The following RBFOX2 variants were observed in gnomAD, a reference collection of about 807,000 sequenced individuals.
The protein encoded by RBFOX2 is RNA binding protein fox-1 homolog 2.
Under a neutral mutation model 49.1 loss-of-function variants are expected in RBFOX2, and 10 were observed. The observed-to-expected ratio is 0.20, with a 90% confidence interval of 0.13 to 0.35. RBFOX2 has a LOEUF of 0.35. Among genes scored for constraint, RBFOX2 ranks in the 10% least tolerant of loss-of-function variants. RBFOX2 has a pLI of 1.00. For missense variants in RBFOX2, 323 were observed against 486.9 expected, an observed-to-expected ratio of 0.66 and a Z score of 3.17; for synonymous variants, 183 against 187.4, an observed-to-expected ratio of 0.98 and a Z score of 0.19.
At chr22:35,900,206 C>T (rs184569847) in intron 1 of RBFOX2, among the ~76,000 whole-genome samples, 10 of 152,190 alleles carry the variant, frequency 6.6e-5, no homozygotes, top group Non-Finnish European at 8.8e-5. Context: ...CTCCGCCTCC[C>T]GGGTTCAAGT....
rs559877251 is a variant in RBFOX2 at position 35,913,560 on chromosome 22, G to A, written c.-34+25287C>T. ...TGTGTGTATATGTATGTGTGTGTGTGTATATATATATATAGATGGATAGAG... is the reference window on the plus strand; with the variant it reads ...TGTGTGTATATGTATGTGTGTGTGTATATATATATATATAGATGGATAGAG... On this transcript the variant is annotated intron_variant, in intron 1 of 13. Coordinates refer to the RBFOX2 transcript ENST00000359369. Among the ~76,000 whole-genome samples the A allele has an allele frequency of 6.4e-3, 947 of 147,252 alleles. 16 individuals carry two copies. Among genetic ancestry groups the A allele is most frequent in the African/African-American group, 0.021 (840 of 40,192 alleles).
At chr22:35,755,934 T>C (rs1414944691) in intron 9 of RBFOX2, among the ~76,000 whole-genome samples, 171 bp downstream of exon 11, 2 of 150,952 alleles carry the variant, frequency 1.3e-5, no homozygotes, top group South Asian at 2.1e-4. Flanking sequence ...CAGAGAAGCA[T>C]GCTTGCATTC....
chr22:35,897,674 C>G, intron 1 of RBFOX2: 1 of 1,309,108 alleles, frequency 7.6e-7, no homozygotes, highest in South Asian at 1.2e-5. Context: ...TTGGATACAT[C>G]TACGACGTAT....
intron 2 of RBFOX2, among the ~76,000 whole-genome samples, chr22:35,786,247 T>A (rs1055904856): frequency 2.4e-4 from 36 of 152,214 alleles, no homozygotes; most frequent in Admixed American, 2.4e-3. Context: ...AGACACAATT[T>A]AAGATCAGAA....
At chr22:35,931,849 A>G (rs2052455707) in intron 1 of RBFOX2, among the ~76,000 whole-genome samples, 1 of 152,188 alleles carries the variant, frequency 6.6e-6, no homozygotes, top group Admixed American at 6.5e-5. Flanking sequence ...TGTTTTTCAA[A>G]CAGGTTGCAA....
At chr22:35,817,477 A>AAAATAAAT (rs35010904) in intron 1 of RBFOX2, among the ~76,000 whole-genome samples, 128 of 149,510 alleles carry the variant, frequency 8.6e-4, no homozygotes, top group Middle Eastern at 3.4e-3. Flanking sequence ...ACTTTGTCTC[A>AAAATAAAT]AAATAAATAA....
intron 1 of RBFOX2, among the ~76,000 whole-genome samples, chr22:35,933,953 T>TATAC (rs1009021083): frequency 0.011 from 1,580 of 141,036 alleles, 56 homozygotes; most frequent in African/African-American, 0.04. Context: ...TATATATATA[T>TATAC]ACACACATCA....
chr22:35,793,956 C>A (rs1404484848), intron 2 of RBFOX2, among the ~76,000 whole-genome samples: 1 of 152,144 alleles, frequency 6.6e-6, no homozygotes, highest in African/African-American at 2.4e-5. Flanking sequence ...TTATCAGTGT[C>A]ACGCTGTGAA....
intron 9 of RBFOX2, chr22:35,747,815 A>G (rs1158693629): frequency 1.3e-5 from 2 of 152,198 alleles, no homozygotes; most frequent in African/African-American, 4.8e-5. Flanking sequence ...CTCATTTCTC[A>G]TGGATATCTG....
chr22:35,782,039 G>C (rs1165849967), intron 2 of RBFOX2, among the ~76,000 whole-genome samples: 1 of 152,138 alleles, frequency 6.6e-6, no homozygotes, highest in East Asian at 1.9e-4. Context: ...AGATCACATG[G>C]AGATACATTA....
At chr22:35,929,093 T>C (rs375290880) in intron 1 of RBFOX2, among the ~76,000 whole-genome samples, 2 of 152,056 alleles carry the variant, frequency 1.3e-5, no homozygotes, top group East Asian at 1.9e-4. Flanking sequence ...CACTCCAGCA[T>C]TGGCGACCTC....
At chr22:35,871,132 T>C (rs1164399694) in intron 1 of RBFOX2, among the ~76,000 whole-genome samples, 1 of 152,250 alleles carries the variant, frequency 6.6e-6, no homozygotes, top group African/African-American at 2.4e-5. Context: ...AAAAGGTCAC[T>C]ATTTTCATTT....
At chr22:35,914,872 T>C (rs2050234433) in intron 1 of RBFOX2, among the ~76,000 whole-genome samples, 1 of 152,226 alleles carries the variant, frequency 6.6e-6, no homozygotes. Flanking sequence ...ACTGTTAACT[T>C]CTGACCTTAA....
At chr22:35,920,450 A>G (rs1010703517) in intron 1 of RBFOX2, among the ~76,000 whole-genome samples, 12 of 152,150 alleles carry the variant, frequency 7.9e-5, no homozygotes, top group African/African-American at 2.4e-4. Context: ...TCTATTCCTG[A>G]TACTTTGGCT....
At chr22:35,743,391 A>G (rs1001791231) in exon 12 of RBFOX2, 1 of 152,232 alleles carries the variant, frequency 6.6e-6, no homozygotes, top group Admixed American at 6.5e-5. Context: ...GAAGAAGCCT[A>G]GAAGGAATGC....
rs2048113962 is a variant in RBFOX2 at position 35,898,217 on chromosome 22, C to T, written c.-34+40630G>A. ...TTGACAACACATCGGCCCAGGAATC[C>T]TGTTGCTCCAAACCCAGTGGCCACA... is the stretch of plus-strand genomic sequence containing the variant. On this transcript the variant is annotated intron_variant, in intron 1 of 13. Coordinates refer to the RBFOX2 transcript ENST00000359369. 4.5e-5 allele frequency: 34 copies of T among 757,974 alleles called. No homozygotes were observed. In the South Asian group the frequency reaches 4.6e-4, roughly 10 times the overall value. 47.0% of individuals were successfully genotyped at this position (757,974 alleles called of 1,614,324 possible).
chr22:35,775,164 G>C (rs1943576602), intron 4 of RBFOX2, among the ~76,000 whole-genome samples: 1 of 152,140 alleles, frequency 6.6e-6, no homozygotes, highest in Non-Finnish European at 1.5e-5. Flanking sequence ...TTTCTCTTAG[G>C]TGGATCCCAG....
At chr22:35,878,047 C>T (rs879794849) in intron 1 of RBFOX2, among the ~76,000 whole-genome samples, 3,841 of 125,006 alleles carry the variant, frequency 0.031, 72 homozygotes, top group Non-Finnish European at 0.042. Flanking sequence ...ACTACACACA[C>T]ACACACACAC....
chr22:35,832,420 A>T (rs2148688899), intron 1 of RBFOX2, among the ~76,000 whole-genome samples: 1 of 152,306 alleles, frequency 6.6e-6, no homozygotes, highest in South Asian at 2.1e-4. Flanking sequence ...GTTATCATAA[A>T]ACAAAACTTA....
Sources: allele counts gnomAD v4.1 joint callset (sites outside exome capture counted in the v4.1 genomes callset), GRCh38; gene constraint gnomAD v4.1.1; transcripts MANE v1.5; gene names NCBI Gene and HGNC (gene_info 2026-07-23, HGNC 2026-07-21).